SCYL2: variants seen among roughly 807,000 people sequenced by gnomAD.
The protein encoded by SCYL2 is SCY1-like protein 2.
A neutral mutation model predicts 100.4 loss-of-function variants in SCYL2; 36 were observed. The ratio of observed to expected loss-of-function variants is 0.36; its 90% CI spans 0.27 to 0.47. The LOEUF (loss-of-function observed/expected upper bound fraction) is 0.47. SCYL2 is among the 20% of genes least tolerant of loss of function. SCYL2 has a pLI of 1.00. For synonymous variants in SCYL2, 330 were observed against 359.2 expected (o/e 0.92, Z 0.92); for missense variants, 902 against 1,083.9 (o/e 0.83, Z 2.36).
intron 4 of SCYL2, among the ~76,000 whole-genome samples, chr12:100,298,637 C>G (rs139024709): frequency 6.6e-6 from 1 of 152,092 alleles, no homozygotes; most frequent in Non-Finnish European, 1.5e-5. Flanking sequence ...GCAACCTCCA[C>G]CTCCCTGCAA....
At chr12:100,293,894 A>G (rs988013949) in intron 3 of SCYL2, among the ~76,000 whole-genome samples, 3 of 152,160 alleles carry the variant, frequency 2.0e-5, no homozygotes, top group Non-Finnish European at 4.4e-5. Flanking sequence ...TTTTCTTAGT[A>G]TAGAACAAAA....
Position 100,287,227 on chromosome 12 carries a change from T to C in SCYL2, c.177+4080T>C, listed in dbSNP as rs189370901. On this transcript the variant is annotated intron_variant, in intron 2 of 17. Transcript: ENST00000360820. Reference sequence around the variant, plus strand: ...ATTTTATTACTTAAGTATCTTGTTATCAACAGAGCTCAACTTTGTAGTAAG... The same window carrying C: ...ATTTTATTACTTAAGTATCTTGTTACCAACAGAGCTCAACTTTGTAGTAAG... 3.1e-3 allele frequency among the ~76,000 whole-genome samples: 469 copies of C among 152,360 alleles called. 1 individual carries two copies. Among genetic ancestry groups the C allele is most frequent in the South Asian group, 8.7e-3 (42 of 4,830 alleles).
In SCYL2 at chr12:100,267,428, T is replaced by C; in HGVS notation, c.-393T>C. 5.4e-6 allele frequency: 1 copy of C among 185,766 alleles called. No homozygotes were observed. The allele number at this position is 185,766 out of a possible 1,614,324, so 11.5% of individuals were successfully genotyped here. The stretch of plus-strand genomic sequence containing the variant: ...GACCGGCCGCCGGCACCGACCGACC[T>C]CCCTCACCGGCGGCTCTCTCGCCTG... On this transcript the variant is annotated 5_prime_UTR_variant, in exon 1 of 18. Coordinates refer to ENST00000360820, the MANE Select transcript of SCYL2 (RefSeq NM_017988.6).
intron 1 of SCYL2, among the ~76,000 whole-genome samples, chr12:100,274,557 C>G (rs2096290748): frequency 1.3e-5 from 2 of 152,168 alleles, no homozygotes; most frequent in Non-Finnish European, 2.9e-5. Flanking sequence ...TCTTATCAAA[C>G]TTCCTTGTGC....
intron 4 of SCYL2, among the ~76,000 whole-genome samples, chr12:100,305,672 G>A (rs1246754361): frequency 7.1e-6 from 1 of 140,714 alleles, no homozygotes; most frequent in Non-Finnish European, 1.5e-5. Flanking sequence ...AGGAGATAGA[G>A]ACATGAAAAA....
chr12:100,300,349 A>C (rs1244342583), intron 4 of SCYL2, among the ~76,000 whole-genome samples: 1 of 152,158 alleles, frequency 6.6e-6, no homozygotes, highest in African/African-American at 2.4e-5. Context: ...ACCATTTTTA[A>C]AAATTATTTT....
At chr12:100,273,548 A>G (rs539229986) in intron 1 of SCYL2, among the ~76,000 whole-genome samples, 1 of 152,156 alleles carries the variant, frequency 6.6e-6, no homozygotes, top group Non-Finnish European at 1.5e-5. Context: ...ATGAATTTCC[A>G]TGCCTGTTCT....
chr12:100,336,136 T>C (rs1349473808), intron 16 of SCYL2, among the ~76,000 whole-genome samples: 1 of 152,204 alleles, frequency 6.6e-6, no homozygotes, highest in Non-Finnish European at 1.5e-5. Flanking sequence ...GTAATATTTA[T>C]AGACTCCTTG....
intron 3 of SCYL2, among the ~76,000 whole-genome samples, chr12:100,296,061 G>T (rs2096320040): frequency 6.6e-6 from 1 of 152,132 alleles, no homozygotes; most frequent in Non-Finnish European, 1.5e-5. Flanking sequence ...GAGGGGAGAA[G>T]GACTATCAGT....
In SCYL2 at chr12:100,340,708, G is replaced by C. The variant is rs1279927861; in HGVS notation, c.*1536G>C. On this transcript the variant is annotated 3_prime_UTR_variant, in exon 18 of 18. Coordinates refer to ENST00000360820, the MANE Select transcript of SCYL2 (RefSeq NM_017988.6). ...AGGGTACTTTAAAAAATAGAAGTCAGCTTTCACATCTGATTTCTGTATGGG... is the reference window on the plus strand; with the variant it reads ...AGGGTACTTTAAAAAATAGAAGTCACCTTTCACATCTGATTTCTGTATGGG... 1 of 152,004 alleles carries C rather than the reference G, an allele frequency of 6.6e-6. No individual in the cohort carries two copies. Among genetic ancestry groups the C allele is most frequent in the African/African-American group, 2.4e-5 (1 of 41,414 alleles). 9.4% of individuals were successfully genotyped at this position (152,004 alleles called of 1,614,324 possible).
chr12:100,268,236 A>G (rs2096281985), intron 1 of SCYL2, among the ~76,000 whole-genome samples: 1 of 152,202 alleles, frequency 6.6e-6, no homozygotes, highest in Non-Finnish European at 1.5e-5. Context: ...TTCTAAAAAC[A>G]TTGGATACTA....
chr12:100,312,444 T>C lies in SCYL2; in HGVS notation c.643T>C (p.Cys215Arg). The C allele has an allele frequency of 3.7e-6, 6 of 1,611,940 alleles. No homozygotes were observed. The highest frequency in any genetic ancestry group is 4.2e-6 in the Non-Finnish European group (5 of 1,179,368). The part of the protein sequence containing the change: ...NPSEQEPKFP[C>R]KEWDPNLPSL... ...TTTCTTACTACAGCCTAAATTTCCT[T>C]GTAAAGAATGGGACCCAAATTTACC... The change falls in exon 6 of 18, where the codon TGT becomes CGT. Residue 215 changes from cysteine (C) to arginine (R), a missense_variant. Cys to Arg is a radical substitution (Grantham distance 180, BLOSUM62 -3). Coordinates refer to ENST00000360820, the MANE Select transcript of SCYL2 (RefSeq NM_017988.6).
At chr12:100,280,862 G>C (rs987074949) in intron 1 of SCYL2, among the ~76,000 whole-genome samples, 1 of 151,936 alleles carries the variant, frequency 6.6e-6, no homozygotes, top group African/African-American at 2.4e-5. Context: ...TATTCAACCT[G>C]TAACAACTAC....
At position 100,312,586 on chromosome 12, in the gene SCYL2, A is replaced by C; in HGVS notation, c.785A>C (p.Lys262Thr). The change falls in exon 6 of 18, where the codon AAA becomes ACA. Residue 262 changes from lysine to threonine, a missense_variant. Lys to Thr is a moderately conservative substitution (Grantham distance 78, BLOSUM62 -1). Coordinates refer to ENST00000360820, the MANE Select transcript of SCYL2 (RefSeq NM_017988.6). ...LGTVMYAVFN[K>T]GKPIFEVNKQ... is the part of the protein sequence containing the mutation. Reference sequence around the variant, plus strand: ...ACTGTTATGTATGCTGTATTTAATAAAGGGAAACCTATATTTGAAGTCAAC... The same window carrying C: ...ACTGTTATGTATGCTGTATTTAATACAGGGAAACCTATATTTGAAGTCAAC... 6.2e-7 allele frequency: 1 copy of C among 1,612,616 alleles called. No homozygotes were observed. Among genetic ancestry groups the C allele is most frequent in the Non-Finnish European group, 8.5e-7 (1 of 1,178,818 alleles).
At chr12:100,332,630 G>A (rs1952224254) in intron 13 of SCYL2, among the ~76,000 whole-genome samples, 1 of 152,100 alleles carries the variant, frequency 6.6e-6, no homozygotes, top group African/African-American at 2.4e-5. Context: ...TACCCAAAGA[G>A]TATGAGGGTG....
chr12:100,284,747 G>T (rs1490634718), intron 2 of SCYL2, among the ~76,000 whole-genome samples: 1 of 152,184 alleles, frequency 6.6e-6, no homozygotes, highest in African/African-American at 2.4e-5. Context: ...ACAGGCATGA[G>T]CCACCGCGCC....
chr12:100,278,262 C>G (rs946507925), intron 1 of SCYL2, among the ~76,000 whole-genome samples: 2 of 151,720 alleles, frequency 1.3e-5, no homozygotes, highest in Non-Finnish European at 2.9e-5. Context: ...TGCAGTGGTG[C>G]AATCACAACT....
chr12:100,326,685 C>G lies in SCYL2; in HGVS notation c.1573C>G (p.Leu525Val). The G allele has an allele frequency of 6.2e-7, 1 of 1,610,756 alleles. No homozygotes were observed. Among genetic ancestry groups the G allele is most frequent in the South Asian group, 1.1e-5 (1 of 90,256 alleles). Reference sequence around the variant, plus strand: ...GGAATACTTGGATAAGTGGTTTGTACTTGATGATATCCTACCCTTCTTACA... The same window carrying G: ...GGAATACTTGGATAAGTGGTTTGTAGTTGATGATATCCTACCCTTCTTACA... ...ILEYLDKWFV[L>V]DDILPFLQQI... Residue 525 changes from leucine to valine, a missense_variant, in exon 12 of 18, where the codon CTT becomes GTT. By Grantham distance (32) the Leu-to-Val change is conservative (BLOSUM62 1). Transcript: ENST00000360820.
intron 4 of SCYL2, among the ~76,000 whole-genome samples, chr12:100,310,444 T>G (rs2096340879): frequency 6.6e-6 from 1 of 152,242 alleles, no homozygotes; most frequent in Non-Finnish European, 1.5e-5. Context: ...CTTTGGAATG[T>G]ATGTTCAAGT....
Sources: gnomAD v4.1 joint callset for allele counts (sites outside exome capture counted in the v4.1 genomes callset) on GRCh38, gnomAD v4.1.1 for gene constraint, MANE v1.5 for transcripts, NCBI Gene and HGNC (gene_info 2026-07-23, HGNC 2026-07-21) for gene names.